ZNF425: variants seen among roughly 807,000 people sequenced by gnomAD.
The protein encoded by ZNF425 is zinc finger protein 425.
A neutral mutation model predicts 17.0 loss-of-function variants in ZNF425; 21 were observed. The observed-to-expected ratio is 1.23, with a 90% CI of 0.88 to 1.78. ZNF425 has a LOEUF of 1.78. ZNF425 is among the 40% of genes most tolerant of loss of function. The pLI, the probability that ZNF425 is intolerant of heterozygous loss-of-function variation, is 0.00. For synonymous variants in ZNF425, 433 were observed against 384.1 expected (o/e 1.13, Z -1.49); for missense variants, 868 against 967.3 (o/e 0.90, Z 1.36).
intron 3 of ZNF425, among the ~76,000 whole-genome samples, chr7:149,109,697 A>T (rs1232800838): frequency 6.6e-6 from 1 of 152,210 alleles, no homozygotes; most frequent in Non-Finnish European, 1.5e-5. Flanking sequence ...GACGATCAAC[A>T]TCTAGAATAT....
chr7:149,112,568 G>A (rs1366451118), intron 2 of ZNF425, among the ~76,000 whole-genome samples: 5 of 152,204 alleles, frequency 3.3e-5, no homozygotes, highest in African/African-American at 1.2e-4. Flanking sequence ...GGGAGATGGA[G>A]GTTATAGTGA....
At chr7:149,118,183 T>A (rs774379463) in intron 2 of ZNF425, 39 bp downstream of exon 2, 1 of 1,613,174 alleles carries the variant, frequency 6.2e-7, no homozygotes, top group African/African-American at 1.3e-5. Flanking sequence ...TACTATTAGG[T>A]TGGTTCCTAA....
chr7:149,119,380 C>T (rs751971821), intron 1 of ZNF425, among the ~76,000 whole-genome samples: 23 of 152,132 alleles, frequency 1.5e-4, no homozygotes, highest in Non-Finnish European at 3.4e-4. Flanking sequence ...GCCACTACGC[C>T]TGGCCCAAAA....
intron 2 of ZNF425, chr7:149,113,409 C>T (rs1826206226): frequency 3.3e-5 from 1 of 30,094 alleles, no homozygotes; most frequent in Admixed American, 3.9e-4. Context: ...TAGAATAAAG[C>T]CTTACCAAGA....
At position 149,103,380 on chromosome 7, in the gene ZNF425, GCTGA is replaced by G. The variant is rs2129517621; in HGVS notation, c.*228_*231del. 3.8e-6 allele frequency: 2 copies of G among 519,858 alleles called. No individual in the cohort carries two copies. Among genetic ancestry groups the G allele is most frequent in the Admixed American group, 7.4e-5 (2 of 26,950 alleles). The allele number at this position is 519,858 out of a possible 1,614,324, so 32.2% of individuals were successfully genotyped here. On this transcript the variant is annotated 3_prime_UTR_variant, in exon 4 of 4. Transcript: ENST00000378061. Reference sequence around the variant, plus strand: ...CCACAAGCATGCACCACAACGCCTGGCTGACTTTTATATTTTTTGTAGAGATGGA... The same window carrying G: ...CCACAAGCATGCACCACAACGCCTGGCTTTTATATTTTTTGTAGAGATGGA...
chr7:149,122,260 T>G (rs1413165482), intron 1 of ZNF425, among the ~76,000 whole-genome samples: 2 of 151,896 alleles, frequency 1.3e-5, no homozygotes, highest in African/African-American at 4.8e-5. Flanking sequence ...AATTGGATTT[T>G]TTTTTAACTG....
In ZNF425 at chr7:149,103,672, G is replaced by T. The variant is rs761074911; in HGVS notation, c.2199C>A (p.Tyr733Ter). The change falls in exon 4 of 4, where the codon TAC becomes TAA. Residue 733 changes from tyrosine to a stop codon, truncating the protein, a stop_gained. Coordinates refer to ENST00000378061, the MANE Select transcript of ZNF425 (RefSeq NM_001001661.3). LOFTEE classifies it high-confidence loss of function. ...SCDECGRSFT[Y>*]VGALKTHIAV... ...CAATGTGGGTCTTGAGCGCCCCCAC[G>T]TACGTGAAGCTCCTTCCACACTCAT... 1 of 1,613,992 alleles carries T rather than the reference G, an allele frequency of 6.2e-7. No individual in the cohort carries two copies. The highest frequency in any genetic ancestry group is 8.5e-7 in the Non-Finnish European group (1 of 1,179,984).
chr7:149,105,269 A>G lies in ZNF425; in HGVS notation c.602T>C (p.Val201Ala). 1 of 1,614,062 alleles carries G rather than the reference A, an allele frequency of 6.2e-7. No individual in the cohort carries two copies. Among genetic ancestry groups the G allele is most frequent in the Non-Finnish European group, 8.5e-7 (1 of 1,180,002 alleles). ...SCYVCRKVFQ[V>A]RRDLLKHKRS... ...TTTGTGCTTTAGCAAATCCCTCCTT[A>G]CTTGGAAGACTTTCCTACAGACATA... Residue 201 changes from valine (V) to alanine (A), a missense_variant, in exon 4 of 4, where the codon GTA (valine) becomes GCA (alanine). Around this residue, in one of 5 missense-constraint regions of ZNF425, gnomAD observed 243 missense variants for 265.2 expected, o/e 0.92. Coordinates refer to ENST00000378061, the MANE Select transcript of ZNF425 (RefSeq NM_001001661.3).
intron 3 of ZNF425, among the ~76,000 whole-genome samples, chr7:149,110,278 T>C (rs773724615): frequency 2.0e-5 from 3 of 151,644 alleles, no homozygotes; most frequent in Non-Finnish European, 4.4e-5. Flanking sequence ...AGAAAAGCAT[T>C]TGTGCAGCCG....
At position 149,103,756 on chromosome 7, in the gene ZNF425, C is replaced by T. The variant is rs1447551250; in HGVS notation, c.2115G>A (p.Gln705=). Residue 705 remains glutamine (Q), a synonymous_variant, in exon 4 of 4, where the codon CAG becomes CAA. Transcript: ENST00000378061. ...QCPECGKGFL[Q]KRSLKAHLCL... is the part of the protein sequence containing the mutation. ...ACAGATGGGCCTTCAGGCTTCTCTT[C>T]TGGAGGAAGCCTTTGCCACACTCGG... The T allele has an allele frequency of 5.6e-6, 9 of 1,614,058 alleles. No individual in the cohort carries two copies. The highest frequency in any genetic ancestry group is 7.6e-6 in the Non-Finnish European group (9 of 1,180,042).
At chr7:149,114,554 T>G (rs1158900588) in intron 2 of ZNF425, among the ~76,000 whole-genome samples, 7 of 151,328 alleles carry the variant, frequency 4.6e-5, no homozygotes, top group Non-Finnish European at 7.4e-5. Flanking sequence ...TGCGCCACCA[T>G]GCCCGGCTAA....
chr7:149,125,906 C>G, intron 1 of ZNF425: 1 of 593,622 alleles, frequency 1.7e-6, no homozygotes, highest in Non-Finnish European at 3.0e-6. Flanking sequence ...ATATACAGCG[C>G]AGAGCTCCCG....
At chr7:149,108,199 C>T (rs1826112668) in intron 3 of ZNF425, among the ~76,000 whole-genome samples, 1 of 152,032 alleles carries the variant, frequency 6.6e-6, no homozygotes, top group Non-Finnish European at 1.5e-5. Flanking sequence ...GTACCCACTA[C>T]CACGCCCGGC....
chr7:149,118,975 T>C (rs1442099305), intron 1 of ZNF425, among the ~76,000 whole-genome samples: 1 of 152,140 alleles, frequency 6.6e-6, no homozygotes, highest in African/African-American at 2.4e-5. Context: ...ATGTTTTACT[T>C]TGAAATAATT....
chr7:149,118,947 T>C (rs139919865), intron 1 of ZNF425, among the ~76,000 whole-genome samples: 2,141 of 152,300 alleles, frequency 0.014, 17 homozygotes, highest in African/African-American at 0.025. Flanking sequence ...TATTGCTGGA[T>C]GTGTCAGTTT....
Position 149,104,981 on chromosome 7 carries a change from CGGTGTAGACACA to C in ZNF425, c.878_889del (p.Leu293_His296del), listed in dbSNP as rs1223229900. The C allele has an allele frequency of 6.2e-7, 1 of 1,614,212 alleles. No homozygotes were observed. The highest frequency in any genetic ancestry group is 2.2e-5 in the East Asian group (1 of 44,878). On this transcript the variant is annotated inframe_deletion, in exon 4 of 4. Transcript: ENST00000378061. The surrounding 1 kb of genome is among the most constrained non-coding windows in gnomAD (Gnocchi z 4.3). The stretch of plus-strand genomic sequence containing the variant: ...CCCGCAGCAGAACGGCCGCTCCCCG[CGGTGTAGACACA>C]GGTGCTTCTTCAGGTTGGCCCTGTA...
At chr7:149,121,985 G>C (rs910804344) in intron 1 of ZNF425, among the ~76,000 whole-genome samples, 13 of 152,042 alleles carry the variant, frequency 8.6e-5, no homozygotes, top group African/African-American at 3.1e-4. Flanking sequence ...GTGCAATCGC[G>C]GCTCACTGCA....
chr7:149,107,398 C>A (rs1585482819), intron 3 of ZNF425, among the ~76,000 whole-genome samples: 1 of 151,136 alleles, frequency 6.6e-6, no homozygotes. Context: ...AGTGCAGTAG[C>A]GCGATCTCTG....
At chr7:149,117,138 C>A (rs2129518381) in intron 2 of ZNF425, among the ~76,000 whole-genome samples, 1 of 152,052 alleles carries the variant, frequency 6.6e-6, no homozygotes, top group Non-Finnish European at 1.5e-5. Context: ...GTGGCGGGCA[C>A]CTGTAGTCTC....
Sources: gnomAD v4.1 joint callset for allele counts (sites outside exome capture counted in the v4.1 genomes callset) on GRCh38, gnomAD v4.1.1 for gene constraint, gnomAD v4.1.1 regional missense constraint, Gnocchi (gnomAD v3.1) non-coding constraint, MANE v1.5 for transcripts, NCBI Gene and HGNC (gene_info 2026-07-23, HGNC 2026-07-21) for gene names.